Variants in LMBRD1 observed in about 807,000 individuals in gnomAD.
LMBRD1 encodes the protein LMBR1 domain containing 1.
LMBRD1 carries 64 observed loss-of-function variants against 74.8 expected under a neutral mutation model. The ratio of observed to expected loss-of-function variants is 0.86; its 90% confidence interval spans 0.70 to 1.05. LMBRD1 has a LOEUF of 1.05. LMBRD1 is among the 50% of genes least tolerant of loss of function. The probability of loss-of-function intolerance (pLI) is 0.00; values close to 1 mark genes in which losing one functional copy is unlikely to be tolerated. For synonymous variants in LMBRD1, 204 were observed against 216.3 expected, an observed-to-expected ratio of 0.94 and a Z score of 0.50; for missense variants, 652 against 645.9, an observed-to-expected ratio of 1.01 and a Z score of -0.10.
At chr6:69,677,191 T>C (rs1765563797) in intron 14 of LMBRD1, among the ~76,000 whole-genome samples, 1 of 152,160 alleles carries the variant, frequency 6.6e-6, no homozygotes, top group South Asian at 2.1e-4. Context: ...GACAAAAGTG[T>C]ATAACCAAAT....
chr6:69,721,937 C>A (rs1021176416), intron 7 of LMBRD1, among the ~76,000 whole-genome samples: 1 of 152,070 alleles, frequency 6.6e-6, no homozygotes, highest in Non-Finnish European at 1.5e-5. Context: ...CCCCATGGAA[C>A]AGTGTCGATG....
chr6:69,701,805 C>T, intron 10 of LMBRD1, 84 bp downstream of exon 10: 2 of 957,834 alleles, frequency 2.1e-6, no homozygotes, highest in South Asian at 2.7e-5. Flanking sequence ...GATGAACAGC[C>T]TACACTAATG....
chr6:69,704,635 C>A (rs1055816883), intron 9 of LMBRD1, among the ~76,000 whole-genome samples: 1 of 150,472 alleles, frequency 6.6e-6, no homozygotes, highest in Non-Finnish European at 1.5e-5. Flanking sequence ...CTCCAAGCAG[C>A]CCTGGTTCCT....
intron 3 of LMBRD1, 93 bp downstream of exon 3, chr6:69,780,401 C>G (rs1410534140): frequency 1.1e-6 from 1 of 943,408 alleles, no homozygotes; most frequent in Admixed American, 1.7e-5. Context: ...TAATTCGACC[C>G]AAGAGGAAGA....
intron 12 of LMBRD1, among the ~76,000 whole-genome samples, chr6:69,700,114 G>A (rs1766093889): frequency 6.6e-6 from 1 of 151,736 alleles, no homozygotes; most frequent in South Asian, 2.1e-4. Context: ...TATTGGATCT[G>A]ACTTTTTGAG....
At chr6:69,689,446 T>C (rs1158508839) in intron 14 of LMBRD1, among the ~76,000 whole-genome samples, 3 of 152,040 alleles carry the variant, frequency 2.0e-5, no homozygotes, top group Non-Finnish European at 4.4e-5. Context: ...GGTTTTAGGG[T>C]TGGGTGGGCT....
At chr6:69,755,086 A>G (rs1233980563) in intron 3 of LMBRD1, among the ~76,000 whole-genome samples, 1 of 152,202 alleles carries the variant, frequency 6.6e-6, no homozygotes, top group Non-Finnish European at 1.5e-5. Context: ...CTGAGTATAT[A>G]CCCAAAGGAT....
rs548027436 is a variant in LMBRD1 at position 69,765,467 on chromosome 6, A to G, written c.308-13111T>C. On this transcript the variant is annotated intron_variant, in intron 3 of 15. Transcript: ENST00000649934. ...ACTCTGAATTTTATTCCATTGCTCTATATGTCTGACCATCTGCAATACTAT... is the reference window on the plus strand; with the variant it reads ...ACTCTGAATTTTATTCCATTGCTCTGTATGTCTGACCATCTGCAATACTAT... Among the ~76,000 whole-genome samples, 9 of 152,252 alleles carry G rather than the reference A, an allele frequency of 5.9e-5. No individual in the cohort carries two copies. In the South Asian group the frequency reaches 1.9e-3, roughly 32 times the overall value.
chr6:69,777,067 G>A (rs1263511067), intron 3 of LMBRD1, among the ~76,000 whole-genome samples: 1 of 152,158 alleles, frequency 6.6e-6, no homozygotes, highest in South Asian at 2.1e-4. Flanking sequence ...AGAATCACTT[G>A]AACCTGGGAG....
In LMBRD1 at chr6:69,750,199, C is replaced by T. The variant is rs1765095392; in HGVS notation, c.406-791G>A. On this transcript the variant is annotated intron_variant, in intron 4 of 15. Transcript: ENST00000649934. Reference sequence around the variant, plus strand: ...TATACATATATAACATATATCATGCCAGGCACTGATAAGAACGTCACATAT... The same window carrying T: ...TATACATATATAACATATATCATGCTAGGCACTGATAAGAACGTCACATAT... Among the ~76,000 whole-genome samples, 3 of 150,620 alleles carry T rather than the reference C, an allele frequency of 2.0e-5. No individual in the cohort carries two copies. The South Asian group carries it at 6.3e-4, about 31-fold the overall frequency.
intron 14 of LMBRD1, among the ~76,000 whole-genome samples, chr6:69,688,544 A>G (rs1765814230): frequency 6.6e-6 from 1 of 151,914 alleles, no homozygotes; most frequent in Admixed American, 6.6e-5. Flanking sequence ...TAAGAATTTA[A>G]TTTTTTAAAA....
chr6:69,738,701 A>T (rs1767029908), intron 6 of LMBRD1, among the ~76,000 whole-genome samples: 1 of 152,216 alleles, frequency 6.6e-6, no homozygotes, highest in African/African-American at 2.4e-5. Flanking sequence ...GGCAGGAATG[A>T]CACTTTCACA....
chr6:69,794,656 T>A (rs563365089), intron 1 of LMBRD1, among the ~76,000 whole-genome samples: 1 of 152,240 alleles, frequency 6.6e-6, no homozygotes, highest in Non-Finnish European at 1.5e-5. Flanking sequence ...AAAATTGGAT[T>A]TTGAAAGACT....
At chr6:69,753,186 A>C (rs1269844264) in intron 3 of LMBRD1, among the ~76,000 whole-genome samples, 2 of 152,230 alleles carry the variant, frequency 1.3e-5, no homozygotes, top group Non-Finnish European at 2.9e-5. Flanking sequence ...GCTTAAGTTA[A>C]TCCAAAGATA....
chr6:69,694,980 C>T (rs1765962793), intron 14 of LMBRD1, among the ~76,000 whole-genome samples: 1 of 152,114 alleles, frequency 6.6e-6, no homozygotes, highest in African/African-American at 2.4e-5. Flanking sequence ...CCTTTATAGC[C>T]AGTTGAGATA....
intron 3 of LMBRD1, among the ~76,000 whole-genome samples, chr6:69,767,911 T>G (rs906804714): frequency 4.6e-5 from 7 of 151,956 alleles, no homozygotes; most frequent in Admixed American, 1.3e-4. Flanking sequence ...GAATTATAAT[T>G]TTTCTGTCAT....
chr6:69,724,653 T>C (rs1002633386), intron 7 of LMBRD1, among the ~76,000 whole-genome samples: 1 of 151,250 alleles, frequency 6.6e-6, no homozygotes, highest in Non-Finnish European at 1.5e-5. Flanking sequence ...GAAAAAGCAT[T>C]TGATAATGTT....
chr6:69,766,884 A>G (rs113268863), intron 3 of LMBRD1, among the ~76,000 whole-genome samples: 115 of 151,900 alleles, frequency 7.6e-4, no homozygotes, highest in African/African-American at 2.7e-3. Flanking sequence ...TTAAATAAAT[A>G]ATTCAACTTC....
At chr6:69,745,523 G>C (rs1424622893) in intron 5 of LMBRD1, among the ~76,000 whole-genome samples, 2 of 152,070 alleles carry the variant, frequency 1.3e-5, no homozygotes, top group African/African-American at 4.8e-5. Flanking sequence ...CTCCCAAAGT[G>C]CTGGGATTAC....
Sources: gnomAD v4.1 joint callset for allele counts (sites outside exome capture counted in the v4.1 genomes callset) on GRCh38, gnomAD v4.1.1 for gene constraint, MANE v1.5 for transcripts, NCBI Gene and HGNC (gene_info 2026-07-23, HGNC 2026-07-21) for gene names.